Variants in MAP3K13 observed in about 807,000 individuals in gnomAD.
MAP3K13 encodes mitogen-activated protein kinase kinase kinase 13, also known as leucine zipper-bearing kinase.
Under a neutral mutation model 104.0 loss-of-function variants are expected in MAP3K13, and 52 were observed. The observed-to-expected ratio is 0.50, with a 90% CI of 0.40 to 0.63. The LOEUF (loss-of-function observed/expected upper bound fraction) is 0.63. Among genes scored for constraint, MAP3K13 ranks in the 20% least tolerant of loss-of-function variants. MAP3K13 has a pLI of 0.00. For synonymous variants in MAP3K13, 394 were observed against 442.2 expected (o/e 0.89, Z 1.37); for missense variants, 914 against 1,218.5 (o/e 0.75, Z 3.72).
intron 1 of MAP3K13, among the ~76,000 whole-genome samples, chr3:185,406,786 A>AT (rs1384084175): frequency 6.6e-6 from 1 of 152,180 alleles, no homozygotes; most frequent in African/African-American, 2.4e-5. Flanking sequence ...CATATTTTAA[A>AT]TTTTGGTGCT....
At chr3:185,344,883 A>ATTTTT (rs147866083) in intron 2 of MAP3K13, among the ~76,000 whole-genome samples, 1 of 149,292 alleles carries the variant, frequency 6.7e-6, no homozygotes. Flanking sequence ...TAATCTCATA[A>ATTTTT]TTTATTTTTT....
At chr3:185,413,461 A>G (rs1482390626) in intron 1 of MAP3K13, among the ~76,000 whole-genome samples, 1 of 152,232 alleles carries the variant, frequency 6.6e-6, no homozygotes, top group African/African-American at 2.4e-5. Flanking sequence ...TTTTAATTAA[A>G]GTTAAATGAC....
chr3:185,360,437 G>A (rs1430748224), upstream of MAP3K13, among the ~76,000 whole-genome samples: 2 of 152,044 alleles, frequency 1.3e-5, no homozygotes, highest in Non-Finnish European at 2.9e-5. Flanking sequence ...CCTACCTTCT[G>A]CTTCTAAAAT....
intron 2 of MAP3K13, among the ~76,000 whole-genome samples, chr3:185,350,839 C>T (rs1357283072): frequency 6.6e-6 from 1 of 152,146 alleles, no homozygotes; most frequent in Admixed American, 6.5e-5. Context: ...AACAGAACTA[C>T]CATTCGACAT....
intron 1 of MAP3K13, among the ~76,000 whole-genome samples, chr3:185,421,966 G>C (rs1714157609): frequency 6.6e-6 from 1 of 152,062 alleles, no homozygotes; most frequent in African/African-American, 2.4e-5. Flanking sequence ...CTCTGCCTTT[G>C]TTGGGACCCG....
At position 185,443,511 on chromosome 3, in the gene MAP3K13, C is replaced by T. The variant is rs1192706056; in HGVS notation, c.726C>T (p.Tyr242=). 5.6e-6 allele frequency: 9 copies of T among 1,613,942 alleles called. No homozygotes were observed. Among genetic ancestry groups the T allele is most frequent in the Admixed American group, 5.0e-5 (3 of 59,986 alleles). ...IMEYCAHGQL[Y]EVLRAGRKIT... ...AATACTGTGCCCATGGACAACTCTA[C>T]GAGGTCTTACGAGCTGGCAGGAAGA... is the stretch of plus-strand genomic sequence containing the variant. The change falls in exon 4 of 14, where the codon TAC becomes TAT. Residue 242 remains tyrosine, a synonymous_variant. Transcript: ENST00000265026.
intron 2 of MAP3K13, among the ~76,000 whole-genome samples, chr3:185,330,748 C>A (rs1474803433): frequency 1.3e-5 from 2 of 152,302 alleles, no homozygotes; most frequent in East Asian, 3.9e-4. Flanking sequence ...TTTTTAACCT[C>A]CAGTAGGTGC....
intron 2 of MAP3K13, chr3:185,291,821 C>A: frequency 7.9e-7 from 1 of 1,273,870 alleles, no homozygotes; most frequent in African/African-American, 1.6e-5. Context: ...CTTCCTCTGA[C>A]TTCTCTTCAA....
At position 185,483,538 on chromosome 3, in the gene MAP3K13, G is replaced by A. The variant is rs1718574238; in HGVS notation, c.*1082G>A. Reference sequence around the variant, plus strand: ...CAGGATCACTCAGTTCAGCTACGAGGAGAAGATGGAACCACCCCTCTCTGG... The same window carrying A: ...CAGGATCACTCAGTTCAGCTACGAGAAGAAGATGGAACCACCCCTCTCTGG... On this transcript the variant is annotated 3_prime_UTR_variant, in exon 14 of 14. Transcript: ENST00000265026. 8.9e-6 allele frequency: 2 copies of A among 225,836 alleles called. No homozygotes were observed. The highest frequency in any genetic ancestry group is 1.8e-5 in the Non-Finnish European group (2 of 113,598). 14.0% of individuals were successfully genotyped at this position (225,836 alleles called of 1,614,324 possible).
At chr3:185,402,754 A>G (rs1712889272) in intron 1 of MAP3K13, among the ~76,000 whole-genome samples, 1 of 152,150 alleles carries the variant, frequency 6.6e-6, no homozygotes, top group South Asian at 2.1e-4. Context: ...ATGTGTAAAA[A>G]ACCCAGCCCT....
chr3:185,386,224 AC>A (rs1284278517), intron 1 of MAP3K13, among the ~76,000 whole-genome samples: 2 of 151,968 alleles, frequency 1.3e-5, no homozygotes, highest in African/African-American at 4.8e-5. Flanking sequence ...AAGAAAAAAA[AC>A]AAACATTCCC....
chr3:185,356,339 T>C (rs533286986), intron 2 of MAP3K13, among the ~76,000 whole-genome samples: 2 of 152,374 alleles, frequency 1.3e-5, no homozygotes, highest in South Asian at 4.1e-4. Flanking sequence ...AGTACTCTTT[T>C]GGCTGCAAGT....
intron 2 of MAP3K13, among the ~76,000 whole-genome samples, chr3:185,289,457 C>G (rs1255853023): frequency 6.6e-6 from 1 of 152,084 alleles, no homozygotes; most frequent in East Asian, 1.9e-4. Flanking sequence ...CTTACCTCAC[C>G]CATAACCAGG....
intron 2 of MAP3K13, among the ~76,000 whole-genome samples, chr3:185,324,960 G>T (rs909554440): frequency 3.3e-5 from 5 of 152,184 alleles, no homozygotes; most frequent in Non-Finnish European, 5.9e-5. Context: ...ATGAGAATAG[G>T]TGGTTTTGTA....
At position 185,483,095 on chromosome 3, in the gene MAP3K13, G is replaced by T. The variant is rs1271824851; in HGVS notation, c.*639G>T. 4.3e-6 allele frequency: 1 copy of T among 232,840 alleles called. No homozygotes were observed. The highest frequency in any genetic ancestry group is 2.2e-5 in the African/African-American group (1 of 45,340). The allele number at this position is 232,840 out of a possible 1,614,324, so 14.4% of individuals were successfully genotyped here. On this transcript the variant is annotated 3_prime_UTR_variant, in exon 14 of 14. Transcript: ENST00000265026. ...TACGGAAATGACCTAGAAAAGTCTGGTGACCAGATACTTGCACCCAATGTC... is the reference window on the plus strand; with the variant it reads ...TACGGAAATGACCTAGAAAAGTCTGTTGACCAGATACTTGCACCCAATGTC...
intron 2 of MAP3K13, among the ~76,000 whole-genome samples, chr3:185,343,589 A>T (rs1461680725): frequency 1.3e-5 from 2 of 152,096 alleles, no homozygotes; most frequent in African/African-American, 4.8e-5. Context: ...AATAGCTGGG[A>T]CTACAGGCAC....
rs1577403749 is a variant in MAP3K13, at chr3:185,299,854, C to T, written c.-86+14211C>T. On this transcript the variant is annotated intron_variant, in intron 2 of 14. Transcript: ENST00000424227. Reference sequence around the variant, plus strand: ...GTGCTGGGATTACAGGCGTGAGCCACCGCGCCCGGCCCTCTCTCTCTCTTT... The same window carrying T: ...GTGCTGGGATTACAGGCGTGAGCCATCGCGCCCGGCCCTCTCTCTCTCTTT... Among the ~76,000 whole-genome samples, 2 of 9,034 alleles carry T rather than the reference C, an allele frequency of 2.2e-4. 1 individual carries two copies. The highest frequency in any genetic ancestry group is 2.2e-3 in the Admixed American group (2 of 928). The allele number at this position is 9,034 out of a possible 152,430, so 5.9% of individuals were successfully genotyped here.
At chr3:185,459,513 T>C (rs1027464529) in intron 7 of MAP3K13, among the ~76,000 whole-genome samples, 2 of 152,126 alleles carry the variant, frequency 1.3e-5, no homozygotes, top group African/African-American at 2.4e-5. Context: ...AGTGGTGTGA[T>C]CTCAGCCCAC....
Position 185,482,107 on chromosome 3 carries a change from C to T in MAP3K13, c.2800-248C>T, listed in dbSNP as rs1175018765. On this transcript the variant is annotated intron_variant, in intron 13 of 13. Transcript: ENST00000265026. The surrounding 1 kb of genome is among the most constrained non-coding windows in gnomAD (Gnocchi z 4.5). ...TCTAAATAAATAAATAAGTAAAGTA[C>T]TTACAACAGTGCCTGGAGCATAGTA... Among the ~76,000 whole-genome samples the T allele has an allele frequency of 6.6e-6, 1 of 152,164 alleles. No homozygotes were observed. Among genetic ancestry groups the T allele is most frequent in the Non-Finnish European group, 1.5e-5 (1 of 68,022 alleles).
Sources: allele counts gnomAD v4.1 joint callset (sites outside exome capture counted in the v4.1 genomes callset), GRCh38; gene constraint gnomAD v4.1.1; non-coding constraint Gnocchi (gnomAD v3.1); transcripts MANE v1.5; gene names NCBI Gene and HGNC (gene_info 2026-07-23, HGNC 2026-07-21).